WNK4: variants seen among roughly 807,000 people sequenced by gnomAD.
WNK4 encodes WNK lysine deficient protein kinase 4, also known as serine/threonine-protein kinase WNK4.
In WNK4, 94 loss-of-function variants were observed where a neutral mutation model predicts 116.2. That is an observed-to-expected ratio of 0.81 (90% CI 0.68 to 0.96). WNK4 has a LOEUF of 0.96. Ranked by LOEUF, WNK4 falls within the 40% of genes least tolerant of loss-of-function variation. The pLI, the probability that WNK4 is intolerant of heterozygous loss-of-function variation, is 0.00. For missense variants in WNK4, 1,542 were observed against 1,650.6 expected (o/e 0.93, Z 1.14); for synonymous variants, 655 against 672.7 (o/e 0.97, Z 0.41).
rs1478625055 is a variant in WNK4, at chr17:42,796,990, C to T, written c.*302C>T. Reference sequence around the variant, plus strand: ...AAGCCTGGATGCTTCTAGAGGGGCCCACTCCCAGCTGGGAGAGTGTAGGGG... The same window carrying T: ...AAGCCTGGATGCTTCTAGAGGGGCCTACTCCCAGCTGGGAGAGTGTAGGGG... On this transcript the variant is annotated 3_prime_UTR_variant, in exon 19 of 19. Coordinates refer to ENST00000246914, the MANE Select transcript of WNK4 (RefSeq NM_032387.5). 3 of 541,782 alleles carry T rather than the reference C, an allele frequency of 5.5e-6. No individual in the cohort carries two copies. The highest frequency in any genetic ancestry group is 6.5e-5 in the East Asian group (2 of 30,920). The allele number at this position is 541,782 out of a possible 1,614,324, so 33.6% of individuals were successfully genotyped here.
chr17:42,782,831 C>G lies in WNK4; in HGVS notation c.692C>G (p.Pro231Arg). The G allele has an allele frequency of 6.2e-7, 1 of 1,614,186 alleles. No homozygotes were observed. Among genetic ancestry groups the G allele is most frequent in the Non-Finnish European group, 8.5e-7 (1 of 1,180,038 alleles). The change falls in exon 2 of 19, where the codon CCC becomes CGC. Residue 231 changes from proline (P) to arginine (R), a missense_variant. By Grantham distance (103) the Pro-to-Arg change is moderately radical. Coordinates refer to ENST00000246914, the MANE Select transcript of WNK4 (RefSeq NM_032387.5). The surrounding 1 kb of genome is among the most constrained non-coding windows in gnomAD (Gnocchi z 4.2). ...GAGATGCTCAAGGGGCTGCAGCACC[C>G]CAACATCGTCCGCTTCTATGATTCG... ...EVEMLKGLQH[P>R]NIVRFYDSWK...
At chr17:42,788,061 CT>C (rs2054570446) in intron 8 of WNK4, 68 bp from the exon 9 acceptor site, 1 of 1,598,618 alleles carries the variant, frequency 6.3e-7, no homozygotes, top group Admixed American at 1.7e-5. Context: ...TCCCAGCATC[CT>C]TGACACCATC....
rs1251987062 is a variant in WNK4, at chr17:42,783,050, C to G, written c.791+120C>G. 9.7e-6 allele frequency: 13 copies of G among 1,335,552 alleles called. No individual in the cohort carries two copies. The Admixed American group carries it at 2.4e-4, about 25-fold the overall frequency. The allele number at this position is 1,335,552 out of a possible 1,614,324, so 82.7% of individuals were successfully genotyped here. ...AGGTGTAAAACCAGGTTCACCATCTCCCTCTCACCCAACCTTTGTCCCTGC... is the reference window on the plus strand; with the variant it reads ...AGGTGTAAAACCAGGTTCACCATCTGCCTCTCACCCAACCTTTGTCCCTGC... On this transcript the variant is annotated intron_variant, in intron 2 of 18. Coordinates refer to ENST00000246914, the MANE Select transcript of WNK4 (RefSeq NM_032387.5).
chr17:42,796,895 G>T lies in WNK4; in HGVS notation c.*207G>T, dbSNP rs2054683307. 1 of 962,908 alleles carries T rather than the reference G, an allele frequency of 1.0e-6. No individual in the cohort carries two copies. The highest frequency in any genetic ancestry group is 1.7e-5 in the South Asian group (1 of 60,246). The allele number at this position is 962,908 out of a possible 1,614,324, so 59.6% of individuals were successfully genotyped here. ...AACTGTTTGCTGTGTGGAGGTGTTA[G>T]TTCTGCTGCCTACCATCTTCATCTC... On this transcript the variant is annotated 3_prime_UTR_variant, in exon 19 of 19. Coordinates refer to ENST00000246914, the MANE Select transcript of WNK4 (RefSeq NM_032387.5).
At position 42,784,613 on chromosome 17, in the gene WNK4, C is replaced by G; in HGVS notation, c.1170+34C>G. The stretch of plus-strand genomic sequence containing the variant: ...GATGGGGCTGGCGGGAAAGGCAATT[C>G]CAGGGCCACTTCCCCTTTTCCTGCG... On this transcript the variant is annotated intron_variant, in intron 4 of 18. Coordinates refer to ENST00000246914, the MANE Select transcript of WNK4 (RefSeq NM_032387.5). The surrounding 1 kb of genome is among the most constrained non-coding windows in gnomAD (Gnocchi z 4.4). 6.2e-7 allele frequency: 1 copy of G among 1,613,272 alleles called. No homozygotes were observed. Among genetic ancestry groups the G allele is most frequent in the South Asian group, 1.1e-5 (1 of 90,954 alleles).
rs773000314 is a variant in WNK4 at position 42,796,011 on chromosome 17, G to T, written c.3409G>T (p.Glu1137Ter). 1 of 1,613,778 alleles carries T rather than the reference G, an allele frequency of 6.2e-7. No individual in the cohort carries two copies. Among genetic ancestry groups the T allele is most frequent in the African/African-American group, 1.3e-5 (1 of 74,914 alleles). The change falls in exon 16 of 19, where the codon GAG (glutamate) becomes TAG (stop). Residue 1137 changes from glutamate (E) to a stop codon, truncating the protein, a stop_gained. Transcript: ENST00000246914. LOFTEE classifies it high-confidence loss of function. The part of the protein sequence containing the change: ...SSGEDEEFWA[E>*]LQSLRQKHLS... ...TGGGGAAGATGAGGAGTTCTGGGCT[G>T]AGCTGCAGAGTCTTCGGCAGAAGTG...
At position 42,787,416 on chromosome 17, in the gene WNK4, C is replaced by T. The variant is rs753287071; in HGVS notation, c.1615C>T (p.Pro539Ser). ...ELEALPPEPG[P>S]PPATVPMAPG... The stretch of plus-strand genomic sequence containing the variant: ...GGAGGCACTCCCACCAGAGCCAGGA[C>T]CTCCACCAGCAACTGTGCCCATGGC... Residue 539 changes from proline to serine, a missense_variant, in exon 7 of 19, where the codon CCT becomes TCT. Transcript: ENST00000246914. 8 of 1,614,078 alleles carry T rather than the reference C, an allele frequency of 5.0e-6. No individual in the cohort carries two copies. The Admixed American group carries it at 1.3e-4, about 27-fold the overall frequency.
intron 11 of WNK4, among the ~76,000 whole-genome samples, chr17:42,789,319 C>T (rs989615386): frequency 1.3e-5 from 2 of 151,808 alleles, no homozygotes; most frequent in African/African-American, 2.4e-5. Context: ...GGAGTGAAGC[C>T]GGGTAGGTAG....
chr17:42,793,026 C>T (rs2054621474), intron 11 of WNK4, among the ~76,000 whole-genome samples: 1 of 152,062 alleles, frequency 6.6e-6, no homozygotes, highest in African/African-American at 2.4e-5. Flanking sequence ...TAATGTGGGC[C>T]CCAGAAAGTT....
Position 42,782,935 on chromosome 17 carries a change from G to T in WNK4, c.791+5G>T. ...GACCTCGGGCACGCTCAAGACGTGA[G>T]CTCTGCGCATGAGTGGGTGGGGAGA... On this transcript the variant is annotated splice_donor_5th_base_variant and intron_variant, in intron 2 of 18. Transcript: ENST00000246914. This position sits in a 1 kb window ranked among gnomAD's most constrained non-coding sequence, Gnocchi z 4.2. 9 of 1,613,846 alleles carry T rather than the reference G, an allele frequency of 5.6e-6. No homozygotes were observed. Among genetic ancestry groups the T allele is most frequent in the Non-Finnish European group, 7.6e-6 (9 of 1,179,902 alleles).
At chr17:42,796,348 A>T in intron 17 of WNK4, 26 bp downstream of exon 17, 1 of 1,609,874 alleles carries the variant, frequency 6.2e-7, no homozygotes, top group Non-Finnish European at 8.5e-7. Context: ...CCCAGCTTCC[A>T]TCTTTTCCCT....
In WNK4 at chr17:42,780,852, C is replaced by G. The variant is rs778896525; in HGVS notation, c.154C>G (p.Pro52Ala). The G allele has an allele frequency of 1.2e-6, 2 of 1,602,684 alleles. No individual in the cohort carries two copies. The highest frequency in any genetic ancestry group is 1.7e-6 in the Non-Finnish European group (2 of 1,178,826). Residue 52 changes from proline to alanine, a missense_variant, in exon 1 of 19, where the codon CCC becomes GCC. Pro to Ala is a conservative substitution (Grantham distance 27). Transcript: ENST00000246914. ...GCGCCGCTTCTCCGGGAAGGCTGAGCCCCGGCCGCGCTCTTCTCGTCTCAG... is the reference window on the plus strand; with the variant it reads ...GCGCCGCTTCTCCGGGAAGGCTGAGGCCCGGCCGCGCTCTTCTCGTCTCAG... ...RARRFSGKAE[P>A]RPRSSRLSRR...
chr17:42,788,151 C>T lies in WNK4; in HGVS notation c.1885C>T (p.Arg629Cys), dbSNP rs61755600. Residue 629 changes from arginine to cysteine, a missense_variant, in exon 9 of 19, where the codon CGT becomes TGT. Physicochemically the swap from Arg to Cys is radical, Grantham distance 180. Transcript: ENST00000246914. ...LPSAFALSIPRSGPGSDFSPG... is the reference protein window; with the variant it reads ...LPSAFALSIPCSGPGSDFSPG... ...TCAGGCTTTTGCCCTATCCATTCCACGTTCTGGCCCTGGAAGTGACTTTTC... is the reference window on the plus strand; with the variant it reads ...TCAGGCTTTTGCCCTATCCATTCCATGTTCTGGCCCTGGAAGTGACTTTTC... The T allele has an allele frequency of 2.6e-4, 417 of 1,614,186 alleles. 1 individual carries two copies. In the African/African-American group the frequency reaches 3.6e-3, roughly 14 times the overall value.
intron 12 of WNK4, 52 bp downstream of exon 12, chr17:42,793,781 G>T (rs753393420): frequency 3.7e-6 from 6 of 1,609,892 alleles, no homozygotes; most frequent in Non-Finnish European, 3.4e-6. Context: ...CTGCTCCAGG[G>T]TTTATTACTC....
intron 6 of WNK4, among the ~76,000 whole-genome samples, chr17:42,787,060 A>G (rs2054556944): frequency 6.6e-6 from 1 of 152,206 alleles, no homozygotes; most frequent in Admixed American, 6.5e-5. Context: ...CAGCTACTTC[A>G]TTAATCTCTA....
chr17:42,796,023 C>T lies in WNK4; in HGVS notation c.3421C>T (p.Leu1141Phe), dbSNP rs970914081. 6.2e-7 allele frequency: 1 copy of T among 1,613,912 alleles called. No homozygotes were observed. Among genetic ancestry groups the T allele is most frequent in the East Asian group, 2.2e-5 (1 of 44,884 alleles). Residue 1141 changes from leucine to phenylalanine, a missense_variant, in exon 16 of 19, where the codon CTT becomes TTT. By Grantham distance (22) the Leu-to-Phe change is conservative. Around this residue, in one of 7 missense-constraint regions of WNK4, gnomAD observed 148 missense variants for 157.2 expected, o/e 0.94. Transcript: ENST00000246914. ...GGAGTTCTGGGCTGAGCTGCAGAGT[C>T]TTCGGCAGAAGTGAGTCTCGGGAGG... ...DEEFWAELQS[L>F]RQKHLSEVET... is the part of the protein sequence containing the mutation.
chr17:42,787,465 C>G lies in WNK4; in HGVS notation c.1664C>G (p.Pro555Arg), dbSNP rs57737815. 3,319 of 1,447,954 alleles carry G rather than the reference C, an allele frequency of 2.3e-3. 41 individuals are homozygous for G. In the African/African-American group the frequency reaches 0.033, roughly 14 times the overall value. The allele number at this position is 1,447,954 out of a possible 1,614,324, so 89.7% of individuals were successfully genotyped here. Reference sequence around the variant, plus strand: ...GCCCCCGGTCCCCCCAGTGTCTTCCCCCCTGAGCCTGAGGAGCCAGAGGCA... The same window carrying G: ...GCCCCCGGTCCCCCCAGTGTCTTCCGCCCTGAGCCTGAGGAGCCAGAGGCA... ...PMAPGPPSVFPPEPEEPEADQ... is the reference protein window; with the variant it reads ...PMAPGPPSVFRPEPEEPEADQ... Residue 555 changes from proline (P) to arginine (R), a missense_variant, in exon 7 of 19, where the codon CCC (proline) becomes CGC (arginine). Physicochemically the swap from Pro to Arg is moderately radical, Grantham distance 103. Around this residue, in one of 7 missense-constraint regions of WNK4, gnomAD observed 808 missense variants for 873.6 expected, o/e 0.92. Coordinates refer to ENST00000246914, the MANE Select transcript of WNK4 (RefSeq NM_032387.5).
rs62078449 is a variant in WNK4, at chr17:42,784,927, G to T, written c.1171-170G>T. 4.2e-5 allele frequency among the ~76,000 whole-genome samples: 2 copies of T among 48,090 alleles called. No homozygotes were observed. Among genetic ancestry groups the T allele is most frequent in the East Asian group, 2.0e-3 (2 of 1,020 alleles). 31.5% of individuals were successfully genotyped at this position (48,090 alleles called of 152,430 possible). A position where few individuals can be genotyped will look rare whatever the true frequency, so the allele number is the denominator to read the frequency against. The stretch of plus-strand genomic sequence containing the variant: ...GTTCAAGATCACACTGTAAATACTT[G>T]GGGGGGGGGCGGGGATTAGGATTTG... On this transcript the variant is annotated intron_variant, in intron 4 of 18. Transcript: ENST00000246914. This position sits in a 1 kb window ranked among gnomAD's most constrained non-coding sequence, Gnocchi z 4.4.
chr17:42,784,525 G>C lies in WNK4; in HGVS notation c.1116G>C (p.Glu372Asp). 1 of 1,614,098 alleles carries C rather than the reference G, an allele frequency of 6.2e-7. No individual in the cohort carries two copies. Among genetic ancestry groups the C allele is most frequent in the Non-Finnish European group, 8.5e-7 (1 of 1,180,022 alleles). ...GMCMLEMATSEYPYSECQNAA... is the reference protein window; with the variant it reads ...GMCMLEMATSDYPYSECQNAA... The stretch of plus-strand genomic sequence containing the variant: ...GCATGCTGGAGATGGCCACCTCTGA[G>C]TACCCGTACTCCGAGTGCCAGAATG... Residue 372 changes from glutamate (E) to aspartate (D), a missense_variant, in exon 4 of 19, where the codon GAG becomes GAC. Physicochemically the swap from Glu to Asp is conservative, Grantham distance 45. Coordinates refer to ENST00000246914, the MANE Select transcript of WNK4 (RefSeq NM_032387.5). The surrounding 1 kb of genome is among the most constrained non-coding windows in gnomAD (Gnocchi z 4.4).
Sources: allele counts gnomAD v4.1 joint callset (sites outside exome capture counted in the v4.1 genomes callset), GRCh38; gene constraint gnomAD v4.1.1; regional missense constraint gnomAD v4.1.1; non-coding constraint Gnocchi (gnomAD v3.1); transcripts MANE v1.5; gene names NCBI Gene and HGNC (gene_info 2026-07-23, HGNC 2026-07-21).